TRAF3IP1: variants seen among roughly 807,000 people sequenced by gnomAD.
TRAF3IP1 encodes the protein TRAF3-interacting protein 1.
A neutral mutation model predicts 89.9 loss-of-function variants in TRAF3IP1; 53 were observed. The ratio of observed to expected loss-of-function variants is 0.59; its 90% confidence interval spans 0.47 to 0.74. The LOEUF (loss-of-function observed/expected upper bound fraction) is 0.74. TRAF3IP1 is among the 30% of genes least tolerant of loss of function. The probability of loss-of-function intolerance (pLI) is 0.00; values close to 1 mark genes in which losing one functional copy is unlikely to be tolerated. For missense variants in TRAF3IP1, 806 were observed against 866.1 expected, an observed-to-expected ratio of 0.93 and a Z score of 0.87; for synonymous variants, 311 against 322.1, an observed-to-expected ratio of 0.97 and a Z score of 0.37.
chr2:238,353,909 G>T (rs1421658788), intron 14 of TRAF3IP1, among the ~76,000 whole-genome samples: 1 of 152,190 alleles, frequency 6.6e-6, no homozygotes, highest in African/African-American at 2.4e-5. Flanking sequence ...AAGTAGCTGG[G>T]ACTACAGGCG....
chr2:238,321,118 C>G (rs563162263), intron 1 of TRAF3IP1, among the ~76,000 whole-genome samples: 76 of 152,152 alleles, frequency 5.0e-4, no homozygotes, highest in Non-Finnish European at 8.2e-4. Flanking sequence ...CGGCGCCCTC[C>G]GTGAGGAGGT....
intron 7 of TRAF3IP1, among the ~76,000 whole-genome samples, chr2:238,335,871 C>A (rs1698368501): frequency 6.6e-6 from 1 of 150,416 alleles, no homozygotes; most frequent in Non-Finnish European, 1.5e-5. Context: ...GCAATCATGG[C>A]TCACTGCAAC....
At chr2:238,344,360 G>A (rs1698793437) in intron 8 of TRAF3IP1, 137 bp from the exon 9 acceptor site, 2 of 691,570 alleles carry the variant, frequency 2.9e-6, no homozygotes, top group Admixed American at 2.8e-5. Context: ...AGCTGCCTTT[G>A]GTCAGTCCTT....
chr2:238,344,683 G>A (rs753850864), intron 9 of TRAF3IP1, 85 bp downstream of exon 9: 2 of 1,205,192 alleles, frequency 1.7e-6, no homozygotes, highest in East Asian at 2.4e-5. Context: ...GCAGCCCAGA[G>A]CCCGAGGTTT....
chr2:238,381,519 G>T (rs1700550565), intron 15 of TRAF3IP1, among the ~76,000 whole-genome samples: 1 of 152,220 alleles, frequency 6.6e-6, no homozygotes, highest in Non-Finnish European at 1.5e-5. Flanking sequence ...TGGAGGCCGG[G>T]AAGGTGGGGG....
chr2:238,326,503 G>A (rs1172145429), intron 3 of TRAF3IP1, among the ~76,000 whole-genome samples: 4 of 152,018 alleles, frequency 2.6e-5, no homozygotes, highest in South Asian at 4.2e-4. Flanking sequence ...TGTACGGGGA[G>A]TAGATTTTTT....
At chr2:238,348,040 A>G (rs1204643370) in intron 10 of TRAF3IP1, among the ~76,000 whole-genome samples, 4 of 152,110 alleles carry the variant, frequency 2.6e-5, no homozygotes, top group Non-Finnish European at 4.4e-5. Flanking sequence ...AATTCTGACT[A>G]TTTTCTGAAG....
chr2:238,328,074 C>T (rs1247240986), intron 3 of TRAF3IP1, among the ~76,000 whole-genome samples: 3 of 152,058 alleles, frequency 2.0e-5, no homozygotes, highest in Admixed American at 6.6e-5. Flanking sequence ...TTCAAGACCC[C>T]GTTTTCTATT....
intron 15 of TRAF3IP1, among the ~76,000 whole-genome samples, chr2:238,395,160 G>A (rs1199998600): frequency 6.6e-6 from 1 of 152,070 alleles, no homozygotes; most frequent in African/African-American, 2.4e-5. Context: ...GAGCCCAGGA[G>A]TTTGAGAGTA....
chr2:238,342,242 G>A (rs974374211), intron 8 of TRAF3IP1, among the ~76,000 whole-genome samples: 4 of 152,144 alleles, frequency 2.6e-5, no homozygotes, highest in Non-Finnish European at 4.4e-5. Flanking sequence ...ACCTGTCTGG[G>A]CCTCTCAAAG....
intron 9 of TRAF3IP1, 133 bp downstream of exon 9, chr2:238,344,731 A>AGGG: frequency 1.3e-6 from 1 of 767,992 alleles, no homozygotes; most frequent in Non-Finnish European, 2.3e-6. Context: ...ATTCACAGTG[A>AGGG]TTCACTTCTG....
chr2:238,326,026 C>T (rs1697815142), intron 3 of TRAF3IP1, 56 bp downstream of exon 3: 11 of 1,554,990 alleles, frequency 7.1e-6, no homozygotes, highest in South Asian at 3.7e-5. Flanking sequence ...AAAAAGTAGT[C>T]GGGGGTGAGG....
chr2:238,361,603 G>A (rs897689298), intron 15 of TRAF3IP1, among the ~76,000 whole-genome samples: 7 of 151,992 alleles, frequency 4.6e-5, no homozygotes, highest in Admixed American at 4.6e-4. Context: ...CCTCTCTAGG[G>A]AGCCCAGGCA....
rs575249193 is a variant in TRAF3IP1, at chr2:238,372,767, A to G, written c.1689+16687A>G. 4.6e-5 allele frequency among the ~76,000 whole-genome samples: 7 copies of G among 152,290 alleles called. No individual in the cohort carries two copies. In the East Asian group the frequency reaches 9.7e-4, roughly 21 times the overall value. On this transcript the variant is annotated intron_variant, in intron 15 of 16. Coordinates refer to ENST00000373327, the MANE Select transcript of TRAF3IP1 (RefSeq NM_015650.4). ...TCACCAACAGTGTAAAAGCATTCCT[A>G]TTTCTCCACATCCTCTCCAGCATCT...
In TRAF3IP1 at chr2:238,344,591, G is replaced by A. The variant is rs768012332; in HGVS notation, c.1254G>A (p.Lys418=). 5.6e-6 allele frequency: 9 copies of A among 1,614,030 alleles called. No individual in the cohort carries two copies. The South Asian group carries it at 7.7e-5, about 14-fold the overall frequency. ...CENIQPNPTE[K]QKGDSTSDAE... ...ATATTCAGCCCAACCCCACAGAGAAGCAGAAAGGTAAGAATGGTCCAGTTT... is the reference window on the plus strand; with the variant it reads ...ATATTCAGCCCAACCCCACAGAGAAACAGAAAGGTAAGAATGGTCCAGTTT... Residue 418 remains lysine, a synonymous_variant, in exon 9 of 17, where the codon AAG becomes AAA. Coordinates refer to ENST00000373327, the MANE Select transcript of TRAF3IP1 (RefSeq NM_015650.4).
At chr2:238,324,976 A>G (rs890990947) in intron 1 of TRAF3IP1, among the ~76,000 whole-genome samples, 1 of 152,094 alleles carries the variant, frequency 6.6e-6, no homozygotes, top group Non-Finnish European at 1.5e-5. Flanking sequence ...CCTGGTCCCC[A>G]TCTAGGTATG....
intron 2 of TRAF3IP1, 68 bp downstream of exon 2, chr2:238,325,442 T>G: frequency 6.6e-7 from 1 of 1,509,898 alleles, no homozygotes; most frequent in Non-Finnish European, 9.2e-7. Flanking sequence ...GTAGGCCTGG[T>G]AGTGTGGCTT....
chr2:238,358,855 T>A (rs575521799), intron 15 of TRAF3IP1, among the ~76,000 whole-genome samples: 7 of 152,350 alleles, frequency 4.6e-5, no homozygotes, highest in Admixed American at 4.6e-4. Context: ...TCATAGACAA[T>A]GCTTCCATGG....
intron 12 of TRAF3IP1, among the ~76,000 whole-genome samples, chr2:238,349,900 G>A (rs1266219739): frequency 3.9e-5 from 6 of 152,038 alleles, no homozygotes; most frequent in Admixed American, 2.0e-4. Flanking sequence ...TGAAACCCCC[G>A]TCTCTACTAA....
Sources: gnomAD v4.1 joint callset for allele counts (sites outside exome capture counted in the v4.1 genomes callset) on GRCh38, gnomAD v4.1.1 for gene constraint, MANE v1.5 for transcripts, NCBI Gene and HGNC (gene_info 2026-07-23, HGNC 2026-07-21) for gene names.